Variants in ZC3H18 observed in about 807,000 individuals in gnomAD.
ZC3H18 encodes the protein zinc finger CCCH-type containing 18, also known as zinc finger CCCH domain-containing protein 18.
A neutral mutation model predicts 106.1 loss-of-function variants in ZC3H18; 8 were observed. The ratio of observed to expected loss-of-function variants is 0.08; its 90% confidence interval spans 0.04 to 0.14. ZC3H18 has a LOEUF of 0.14. Among genes scored for constraint, ZC3H18 ranks in the 10% least tolerant of loss-of-function variants. The pLI is 1.00. For synonymous variants in ZC3H18, 635 were observed against 522.1 expected (o/e 1.22, Z -2.95); for missense variants, 1,318 against 1,278.4 (o/e 1.03, Z -0.47).
At chr16:88,612,352 A>G (rs1241939145) in intron 8 of ZC3H18, among the ~76,000 whole-genome samples, 3 of 152,070 alleles carry the variant, frequency 2.0e-5, no homozygotes, top group South Asian at 2.1e-4. Flanking sequence ...CATCATCGCA[A>G]TCAACATGAG....
chr16:88,617,409 A>T (rs1025174620), intron 8 of ZC3H18, among the ~76,000 whole-genome samples: 1 of 152,204 alleles, frequency 6.6e-6, no homozygotes, highest in African/African-American at 2.4e-5. Context: ...CTTTCAATCA[A>T]TTCTATCAAA....
intron 5 of ZC3H18, among the ~76,000 whole-genome samples, chr16:88,598,943 T>G (rs1904599048): frequency 6.6e-6 from 1 of 152,172 alleles, no homozygotes; most frequent in Non-Finnish European, 1.5e-5. Context: ...CACTGCAGCC[T>G]CCGCCTCCCA....
chr16:88,575,886 T>TTTTG (rs774966728), intron 1 of ZC3H18, among the ~76,000 whole-genome samples: 2 of 148,782 alleles, frequency 1.3e-5, no homozygotes, highest in Non-Finnish European at 3.1e-5. Flanking sequence ...GTGACTTAGT[T>TTTTG]TTTGTTTGTT....
chr16:88,577,352 A>C lies in ZC3H18; in HGVS notation c.229A>C (p.Lys77Gln). Reference sequence around the variant, plus strand: ...CGAGGAGGACCGGGCAAGTGAGCCTAAATCCCAAGACCAGGACTCAGAGGT... The same window carrying C: ...CGAGGAGGACCGGGCAAGTGAGCCTCAATCCCAAGACCAGGACTCAGAGGT... ...SDEEDRASEP[K>Q]SQDQDSEVNE... The change falls in exon 2 of 18, where the codon AAA becomes CAA. Residue 77 changes from lysine (K) to glutamine (Q), a missense_variant. Coordinates refer to ENST00000301011, the MANE Select transcript of ZC3H18 (RefSeq NM_144604.4). The C allele has an allele frequency of 6.2e-7, 1 of 1,601,728 alleles. No homozygotes were observed. Among genetic ancestry groups the C allele is most frequent in the Non-Finnish European group, 8.5e-7 (1 of 1,172,668 alleles).
chr16:88,615,734 G>T (rs1429840136), intron 8 of ZC3H18, among the ~76,000 whole-genome samples: 1 of 152,182 alleles, frequency 6.6e-6, no homozygotes, highest in Non-Finnish European at 1.5e-5. Flanking sequence ...GAGTCCGTCA[G>T]CATGTCCACT....
At chr16:88,572,387 T>C (rs956922412) in intron 1 of ZC3H18, among the ~76,000 whole-genome samples, 1 of 151,960 alleles carries the variant, frequency 6.6e-6, no homozygotes, top group Non-Finnish European at 1.5e-5. Context: ...CACCGCAACC[T>C]CCTCCTCCTG....
At chr16:88,595,581 C>T (rs1439021009) in intron 3 of ZC3H18, among the ~76,000 whole-genome samples, 1 of 148,104 alleles carries the variant, frequency 6.8e-6, no homozygotes, top group African/African-American at 2.5e-5. Flanking sequence ...CCGAGGTGGG[C>T]GGATCACCTG....
intron 3 of ZC3H18, among the ~76,000 whole-genome samples, chr16:88,597,540 T>A (rs1904503562): frequency 6.6e-6 from 1 of 152,270 alleles, no homozygotes; most frequent in Admixed American, 6.5e-5. Context: ...GACACTTAGA[T>A]GTCTTATATT....
chr16:88,587,298 T>C (rs1915494458), intron 3 of ZC3H18, among the ~76,000 whole-genome samples: 1 of 152,228 alleles, frequency 6.6e-6, no homozygotes, highest in African/African-American at 2.4e-5. Context: ...TAGGGCTTTT[T>C]GTTTCGCTGC....
intron 2 of ZC3H18, among the ~76,000 whole-genome samples, chr16:88,579,097 G>C (rs1246593369): frequency 6.6e-6 from 1 of 152,198 alleles, no homozygotes; most frequent in African/African-American, 2.4e-5. Flanking sequence ...AATTTATAGG[G>C]TTTGAAGTAT....
In ZC3H18 at chr16:88,624,053, G is replaced by GCCACCAAAACCACTGCTCCTGTCCCC; in HGVS notation, c.1889_1890insCCACCAAAACCACTGCTCCTGTCCCC (p.Lys631HisfsTer16). The GCCACCAAAACCACTGCTCCTGTCCCC allele has an allele frequency of 6.3e-7, 1 of 1,598,562 alleles. No homozygotes were observed. Among genetic ancestry groups the GCCACCAAAACCACTGCTCCTGTCCCC allele is most frequent in the Non-Finnish European group, 8.5e-7 (1 of 1,172,050 alleles). On this transcript the variant is annotated frameshift_variant, in exon 11 of 18. Transcript: ENST00000301011. LOFTEE classifies it high-confidence loss of function. ...AAGGGAGAGCCGGCCCCGCCGCCCGGGAAAGCAGGGTGAGTGCCCAGCCTG... is the reference window on the plus strand; with the variant it reads ...AAGGGAGAGCCGGCCCCGCCGCCCGGCCACCAAAACCACTGCTCCTGTCCCCGAAAGCAGGGTGAGTGCCCAGCCTG...
chr16:88,622,965 ACAG>A lies in ZC3H18; in HGVS notation c.1668-250_1668-248del, dbSNP rs372957396. The stretch of plus-strand genomic sequence containing the variant: ...CCCACTCAGGCAGCGCCACCCGGTA[ACAG>A]CAGGCACACCCCACGCCCAGGTCTT... On this transcript the variant is annotated intron_variant, in intron 9 of 17. Transcript: ENST00000301011. 6.3e-4 allele frequency: 328 copies of A among 522,522 alleles called. 1 individual carries two copies. The East Asian group carries it at 6.7e-3, about 11-fold the overall frequency. 32.4% of individuals were successfully genotyped at this position (522,522 alleles called of 1,614,324 possible). A position where few individuals can be genotyped will look rare whatever the true frequency, so the allele number is the denominator to read the frequency against.
intron 8 of ZC3H18, among the ~76,000 whole-genome samples, chr16:88,619,398 G>T (rs947108694): frequency 6.6e-6 from 1 of 152,356 alleles, no homozygotes; most frequent in East Asian, 1.9e-4. Flanking sequence ...CCTGGAAGCA[G>T]CTGCTTCAGA....
At position 88,576,853 on chromosome 16, in the gene ZC3H18, C is replaced by T. The variant is rs541197280; in HGVS notation, c.-14-257C>T. Among the ~76,000 whole-genome samples, 15 of 152,338 alleles carry T rather than the reference C, an allele frequency of 9.8e-5. No individual in the cohort carries two copies. The South Asian group carries it at 1.0e-3, about 11-fold the overall frequency. On this transcript the variant is annotated intron_variant, in intron 1 of 17. Transcript: ENST00000301011. The stretch of plus-strand genomic sequence containing the variant: ...AGCGGGGAAGGGCTAGGCCAGGCTG[C>T]GTCTCCTTCTGCCACATCTCATTTT...
intron 3 of ZC3H18, among the ~76,000 whole-genome samples, chr16:88,596,185 G>A (rs935563990): frequency 6.6e-6 from 1 of 152,276 alleles, no homozygotes; most frequent in African/African-American, 2.4e-5. Context: ...GCGCTCACTG[G>A]TTTGTTCTCT....
chr16:88,570,672 G>A (rs1011516467), intron 1 of ZC3H18, 106 bp downstream of exon 1: 32 of 151,096 alleles, frequency 2.1e-4, no homozygotes, highest in Admixed American at 1.8e-3. Flanking sequence ...CGGGAGCCCG[G>A]CGCGCCTCCG....
At chr16:88,621,649 C>T (rs1329145551) in intron 8 of ZC3H18, among the ~76,000 whole-genome samples, 1 of 152,082 alleles carries the variant, frequency 6.6e-6, no homozygotes, top group Non-Finnish European at 1.5e-5. Flanking sequence ...AGCCATCGCG[C>T]CCAGCCTAAT....
chr16:88,608,947 G>A lies in ZC3H18; in HGVS notation c.1102G>A (p.Ala368Thr), dbSNP rs34808360. The A allele has an allele frequency of 1.7e-4, 275 of 1,613,030 alleles. 1 individual carries two copies. The African/African-American group carries it at 2.7e-3, about 16-fold the overall frequency. Reference sequence around the variant, plus strand: ...GGCCCTTTTCAGACTCGAGCCTTACGCAGACCCTTATTATGACTATGAAAT... The same window carrying A: ...GGCCCTTTTCAGACTCGAGCCTTACACAGACCCTTATTATGACTATGAAAT... ...DVRDTVLEPY[A>T]DPYYDYEIER... The change falls in exon 7 of 18, where the codon GCA becomes ACA. Residue 368 changes from alanine (A) to threonine (T), a missense_variant. Transcript: ENST00000301011.
chr16:88,623,416 G>C (rs1474213984), intron 10 of ZC3H18, 72 bp downstream of exon 10: 6 of 1,576,148 alleles, frequency 3.8e-6, no homozygotes, highest in African/African-American at 2.7e-5. Context: ...TGTGGCTTTA[G>C]TTGTGGCGCC....
Sources: gnomAD v4.1 joint callset for allele counts (sites outside exome capture counted in the v4.1 genomes callset) on GRCh38, gnomAD v4.1.1 for gene constraint, MANE v1.5 for transcripts, NCBI Gene and HGNC (gene_info 2026-07-23, HGNC 2026-07-21) for gene names.